CRACDL: variants seen among roughly 807,000 people sequenced by gnomAD.
The protein encoded by CRACDL is CRACD like.
CRACDL carries 26 observed loss-of-function variants against 70.6 expected under a neutral mutation model. The ratio of observed to expected loss-of-function variants is 0.37; its 90% CI spans 0.27 to 0.51. CRACDL has a LOEUF of 0.51. Ranked by LOEUF, CRACDL falls within the 20% of genes least tolerant of loss-of-function variation. The probability of loss-of-function intolerance (pLI) is 0.94; values close to 1 mark genes in which losing one functional copy is unlikely to be tolerated. For synonymous variants in CRACDL, 618 were observed against 615.2 expected (o/e 1.00, Z -0.07); for missense variants, 1,283 against 1,376.9 (o/e 0.93, Z 1.08).
chr2:98,891,399 A>AAAAAAAAAAAAAAAAAAAAAC (rs1390017888), intron 1 of CRACDL, among the ~76,000 whole-genome samples: 1 of 147,308 alleles, frequency 6.8e-6, no homozygotes, highest in Non-Finnish European at 1.5e-5. Context: ...AAAAAAAAAA[A>AAAAAAAAAAAAAAAAAAAAAC]AAAAAATCCA....
intron 7 of CRACDL, among the ~76,000 whole-genome samples, chr2:98,798,079 C>A (rs770593037): frequency 3.9e-5 from 6 of 152,178 alleles, no homozygotes; most frequent in Admixed American, 3.9e-4. Flanking sequence ...TGCGGTGGCG[C>A]ATGCCTGTAA....
chr2:98,838,974 C>T (rs1327493008), intron 2 of CRACDL, among the ~76,000 whole-genome samples: 1 of 152,200 alleles, frequency 6.6e-6, no homozygotes, highest in Non-Finnish European at 1.5e-5. Flanking sequence ...TTCTATCATA[C>T]CCAGGTTTCC....
chr2:98,935,098 C>G (rs1315587234), intron 1 of CRACDL, among the ~76,000 whole-genome samples: 2 of 152,204 alleles, frequency 1.3e-5, no homozygotes, highest in Non-Finnish European at 2.9e-5. Context: ...AGATTCTAGT[C>G]TATGGTATAT....
At position 98,822,518 on chromosome 2, in the gene CRACDL, C is replaced by G; in HGVS notation, c.1755G>C (p.Pro585=). Residue 585 remains proline, a synonymous_variant, in exon 7 of 10, where the codon CCG becomes CCC. Coordinates refer to ENST00000397899, the MANE Select transcript of CRACDL (RefSeq NM_207362.3). The surrounding 1 kb of genome is among the most constrained non-coding windows in gnomAD (Gnocchi z 4.9). ...SVSSCRARPR[P]GVSRPLERAS... ...CCCGTTCCAGCGGGCGGGAGACGCC[C>G]GGACGAGGCCGCGCTCGGCACGAGG... is the stretch of plus-strand genomic sequence containing the variant. 4.1e-6 allele frequency: 6 copies of G among 1,457,986 alleles called. No individual in the cohort carries two copies. The highest frequency in any genetic ancestry group is 4.5e-6 in the Non-Finnish European group (5 of 1,113,710). 90.3% of individuals were successfully genotyped at this position (1,457,986 alleles called of 1,614,324 possible). A position where few individuals can be genotyped will look rare whatever the true frequency, so the allele number is the denominator to read the frequency against.
At position 98,920,228 on chromosome 2, in the gene CRACDL, C is replaced by T. The variant is rs1708768159; in HGVS notation, c.-11+15710G>A. Among the ~76,000 whole-genome samples, 2 of 152,180 alleles carry T rather than the reference C, an allele frequency of 1.3e-5. 1 individual carries two copies. The highest frequency in any genetic ancestry group is 4.1e-4 in the South Asian group (2 of 4,836). ...TACCTGTACAATGGCTCTTTTGTGTCCCTGGTACAATTTCATTATCCGGAT... is the reference window on the plus strand; with the variant it reads ...TACCTGTACAATGGCTCTTTTGTGTTCCTGGTACAATTTCATTATCCGGAT... On this transcript the variant is annotated intron_variant, in intron 1 of 9. Coordinates refer to ENST00000397899, the MANE Select transcript of CRACDL (RefSeq NM_207362.3).
At chr2:98,796,681 G>A (rs1703835784) in intron 8 of CRACDL, among the ~76,000 whole-genome samples, 1 of 152,160 alleles carries the variant, frequency 6.6e-6, no homozygotes, top group Non-Finnish European at 1.5e-5. Context: ...TTGAGGTTCT[G>A]GTTAAAACGA....
intron 1 of CRACDL, among the ~76,000 whole-genome samples, chr2:98,917,011 A>C (rs959762313): frequency 6.6e-6 from 1 of 152,192 alleles, no homozygotes; most frequent in Non-Finnish European, 1.5e-5. Flanking sequence ...CTGCCCTCCA[A>C]CACATCCTGC....
chr2:98,869,017 G>C, intron 1 of CRACDL: 1 of 1,135,426 alleles, frequency 8.8e-7, no homozygotes, highest in Non-Finnish European at 1.2e-6. Context: ...CGGGAGTCAC[G>C]GCCTGGCCTC....
chr2:98,849,500 C>A (rs1297720414), intron 1 of CRACDL, among the ~76,000 whole-genome samples: 1 of 152,056 alleles, frequency 6.6e-6, no homozygotes, highest in Non-Finnish European at 1.5e-5. Context: ...TTGCTTCTCC[C>A]TGGGTTGAAG....
At chr2:98,795,296 G>A (rs571357443) in intron 9 of CRACDL, among the ~76,000 whole-genome samples, 64 of 151,480 alleles carry the variant, frequency 4.2e-4, no homozygotes, top group African/African-American at 1.5e-3. Flanking sequence ...GGCTGGTCTC[G>A]AACTCCTGAC....
intron 2 of CRACDL, among the ~76,000 whole-genome samples, chr2:98,845,287 C>T (rs966743431): frequency 2.0e-5 from 3 of 151,118 alleles, no homozygotes; most frequent in Non-Finnish European, 4.4e-5. Context: ...GCATTAACCT[C>T]CTAGGCTCAC....
chr2:98,933,223 G>A (rs1455275095), intron 1 of CRACDL, among the ~76,000 whole-genome samples: 1 of 152,158 alleles, frequency 6.6e-6, no homozygotes, highest in Non-Finnish European at 1.5e-5. Flanking sequence ...ATGTGGAGGG[G>A]AAAGGGACTC....
intron 1 of CRACDL, among the ~76,000 whole-genome samples, chr2:98,935,234 A>G (rs1171189050): frequency 6.6e-6 from 1 of 152,168 alleles, no homozygotes; most frequent in Non-Finnish European, 1.5e-5. Flanking sequence ...TTCCTGGCTC[A>G]AAACTGTCAA....
chr2:98,847,450 T>C (rs1221467822), intron 1 of CRACDL, among the ~76,000 whole-genome samples: 2 of 152,186 alleles, frequency 1.3e-5, no homozygotes, highest in Admixed American at 6.5e-5. Flanking sequence ...GAACAACATA[T>C]AATGAACTCA....
At chr2:98,836,809 G>A (rs1008024375) in intron 3 of CRACDL, among the ~76,000 whole-genome samples, 1 of 152,084 alleles carries the variant, frequency 6.6e-6, no homozygotes, top group African/African-American at 2.4e-5. Context: ...CACGCCGGGC[G>A]CCGTGGATCA....
intron 7 of CRACDL, among the ~76,000 whole-genome samples, chr2:98,815,744 C>T (rs1704758419): frequency 6.6e-6 from 1 of 152,146 alleles, no homozygotes; most frequent in African/African-American, 2.4e-5. Flanking sequence ...AGGACCGTTG[C>T]CCTGCAGAGG....
chr2:98,861,984 T>C (rs1411073980), intron 1 of CRACDL, among the ~76,000 whole-genome samples: 1 of 152,230 alleles, frequency 6.6e-6, no homozygotes, highest in Non-Finnish European at 1.5e-5. Flanking sequence ...GCAGCCATTG[T>C]TGTTGCACCT....
At position 98,821,926 on chromosome 2, in the gene CRACDL, C is replaced by A. The variant is rs757880548; in HGVS notation, c.2347G>T (p.Gly783Cys). Residue 783 changes from glycine to cysteine, a missense_variant, in exon 7 of 10, where the codon GGC (glycine) becomes TGC (cysteine). Gly to Cys is a radical substitution (Grantham distance 159). This residue lies in a region of CRACDL where 921 missense variants were observed against 881.9 expected (regional missense o/e 1.04). Coordinates refer to ENST00000397899, the MANE Select transcript of CRACDL (RefSeq NM_207362.3). ...LPHQPAPPDA[G>C]PGEREPRKEP... is the part of the protein sequence containing the mutation. ...TTCCTGGGTTCCCGCTCTCCCGGGC[C>A]GGCGTCGGGGGGCGCGGGCTGGTGC... 7 of 1,584,406 alleles carry A rather than the reference C, an allele frequency of 4.4e-6. No homozygotes were observed. Among genetic ancestry groups the A allele is most frequent in the Non-Finnish European group, 6.0e-6 (7 of 1,169,890 alleles).
At chr2:98,840,866 G>A (rs1467028020) in intron 2 of CRACDL, 1 of 152,020 alleles carries the variant, frequency 6.6e-6, no homozygotes, top group African/African-American at 2.4e-5. Context: ...ACTGCTATTA[G>A]TACAGGTCGA....
Sources: allele counts gnomAD v4.1 joint callset (sites outside exome capture counted in the v4.1 genomes callset), GRCh38; gene constraint gnomAD v4.1.1; regional missense constraint gnomAD v4.1.1; non-coding constraint Gnocchi (gnomAD v3.1); transcripts MANE v1.5; gene names NCBI Gene and HGNC (gene_info 2026-07-23, HGNC 2026-07-21).